ATRNL1: variants seen among roughly 807,000 people sequenced by gnomAD.
The protein encoded by ATRNL1 is attractin like 1, also known as attractin-like protein 1.
In ATRNL1, 95 loss-of-function variants were observed where a neutral mutation model predicts 182.7. That is an observed-to-expected ratio of 0.52 (90% confidence interval 0.44 to 0.62). The LOEUF (loss-of-function observed/expected upper bound fraction) is 0.62. ATRNL1 is among the 20% of genes least tolerant of loss of function. The pLI is 0.00. For missense variants in ATRNL1, 1,471 were observed against 1,679.5 expected (o/e 0.88, Z 2.17); for synonymous variants, 576 against 568.3 (o/e 1.01, Z -0.19).
chr10:115,292,945 G>GC (rs1360756971), intron 15 of ATRNL1, among the ~76,000 whole-genome samples: 2 of 152,124 alleles, frequency 1.3e-5, no homozygotes, highest in African/African-American at 4.8e-5. Context: ...AATGCTGAGA[G>GC]CATGGTGTTG....
intron 27 of ATRNL1, among the ~76,000 whole-genome samples, chr10:115,748,307 T>C (rs1948350677): frequency 6.6e-6 from 1 of 151,640 alleles, no homozygotes; most frequent in Non-Finnish European, 1.5e-5. Context: ...CATGCTTATC[T>C]GATCTATAAT....
intron 17 of ATRNL1, among the ~76,000 whole-genome samples, chr10:115,309,783 A>G (rs879989528): frequency 6.6e-6 from 1 of 152,108 alleles, no homozygotes; most frequent in Non-Finnish European, 1.5e-5. Context: ...GTATACAATC[A>G]TATCATTGGC....
At chr10:115,805,128 C>T (rs1189789146) in intron 27 of ATRNL1, among the ~76,000 whole-genome samples, 1 of 152,138 alleles carries the variant, frequency 6.6e-6, no homozygotes, top group African/African-American at 2.4e-5. Flanking sequence ...ACCTCCTAAT[C>T]GTAGAAGAAG....
intron 19 of ATRNL1, among the ~76,000 whole-genome samples, chr10:115,354,211 G>A (rs1473745580): frequency 6.6e-6 from 1 of 152,186 alleles, no homozygotes; most frequent in Non-Finnish European, 1.5e-5. Flanking sequence ...TTCTTCTAAT[G>A]TTGGACTCTT....
intron 26 of ATRNL1, among the ~76,000 whole-genome samples, chr10:115,576,587 C>T (rs1854723864): frequency 6.6e-6 from 1 of 151,814 alleles, no homozygotes; most frequent in Non-Finnish European, 1.5e-5. Context: ...AGGTTATTTG[C>T]TATTTTACTA....
chr10:115,273,426 ATT>A (rs1233462457), intron 13 of ATRNL1, among the ~76,000 whole-genome samples: 48 of 147,176 alleles, frequency 3.3e-4, no homozygotes, highest in Admixed American at 1.4e-4. Context: ...CTTTTCCACA[ATT>A]TTTTTTTTTG....
chr10:115,236,258 A>AT (rs1850173833), intron 9 of ATRNL1, among the ~76,000 whole-genome samples: 1 of 152,166 alleles, frequency 6.6e-6, no homozygotes, highest in African/African-American at 2.4e-5. Context: ...GCATATATCC[A>AT]TTTATATCCT....
chr10:115,377,855 T>C (rs1264374747), intron 19 of ATRNL1, among the ~76,000 whole-genome samples: 4 of 152,184 alleles, frequency 2.6e-5, no homozygotes, highest in Non-Finnish European at 5.9e-5. Context: ...CTAGCAAGTA[T>C]GAATTCTCTC....
At chr10:115,785,291 T>C (rs1949368079) in intron 27 of ATRNL1, among the ~76,000 whole-genome samples, 1 of 152,202 alleles carries the variant, frequency 6.6e-6, no homozygotes, top group African/African-American at 2.4e-5. Context: ...CAGAGAAAGT[T>C]CCATTAGGTT....
In ATRNL1 at chr10:115,432,541, T is replaced by C. The variant is rs538505355; in HGVS notation, c.3322+6239T>C. ...TTCAAGATTAGATCGAAATTTAAGA[T>C]GCAAGTCCACACTGTAACTTAAAGC... On this transcript the variant is annotated intron_variant, in intron 21 of 28. Coordinates refer to ENST00000355044, the MANE Select transcript of ATRNL1 (RefSeq NM_207303.4). Among the ~76,000 whole-genome samples the C allele has an allele frequency of 1.3e-4, 20 of 152,302 alleles. No individual in the cohort carries two copies. In the East Asian group the frequency reaches 3.7e-3, roughly 28 times the overall value.
chr10:115,690,284 G>A (rs1462230236), intron 26 of ATRNL1, among the ~76,000 whole-genome samples: 5 of 152,042 alleles, frequency 3.3e-5, no homozygotes, highest in African/African-American at 7.2e-5. Context: ...ACAGATGGGG[G>A]TGGGTATTGG....
chr10:115,110,342 G>C (rs1844204960), intron 1 of ATRNL1, among the ~76,000 whole-genome samples: 1 of 152,130 alleles, frequency 6.6e-6, no homozygotes, highest in Admixed American at 6.5e-5. Flanking sequence ...AGCATAAACT[G>C]GATTTGACAT....
intron 25 of ATRNL1, among the ~76,000 whole-genome samples, chr10:115,528,372 A>G (rs1851371965): frequency 6.6e-6 from 1 of 151,736 alleles, no homozygotes; most frequent in South Asian, 2.1e-4. Flanking sequence ...GTTTCTAGGG[A>G]TTTGTCCATT....
intron 8 of ATRNL1, among the ~76,000 whole-genome samples, chr10:115,178,192 G>A (rs76939853): frequency 0.022 from 3,328 of 152,138 alleles, 53 homozygotes; most frequent in Non-Finnish European, 0.033. Flanking sequence ...CTACAGACAT[G>A]AGCCACCGTG....
chr10:115,108,265 A>T (rs1007811590), intron 1 of ATRNL1, among the ~76,000 whole-genome samples: 1 of 152,162 alleles, frequency 6.6e-6, no homozygotes, highest in South Asian at 2.1e-4. Flanking sequence ...CTTCCACCAG[A>T]TATCCTAGTG....
chr10:115,204,950 T>C (rs1413044547), intron 8 of ATRNL1, among the ~76,000 whole-genome samples: 1 of 152,102 alleles, frequency 6.6e-6, no homozygotes, highest in East Asian at 1.9e-4. Context: ...AAAAACTTGA[T>C]TAGTGTTTCA....
At chr10:115,413,014 A>G (rs1158339379) in intron 20 of ATRNL1, among the ~76,000 whole-genome samples, 1 of 152,234 alleles carries the variant, frequency 6.6e-6, no homozygotes, top group Non-Finnish European at 1.5e-5. Context: ...AGGTTACATC[A>G]TAATCCATAA....
At chr10:115,464,744 A>C (rs1159584691) in intron 22 of ATRNL1, among the ~76,000 whole-genome samples, 2 of 151,888 alleles carry the variant, frequency 1.3e-5, no homozygotes, top group African/African-American at 4.8e-5. Flanking sequence ...AGACAATTTC[A>C]AAAGAAAATA....
chr10:115,513,797 A>G (rs1850507008), intron 24 of ATRNL1, among the ~76,000 whole-genome samples: 1 of 151,942 alleles, frequency 6.6e-6, no homozygotes, highest in Non-Finnish European at 1.5e-5. Context: ...GTGGAGGAAC[A>G]TTTTGAAATA....
Sources: allele counts gnomAD v4.1 joint callset (sites outside exome capture counted in the v4.1 genomes callset), GRCh38; gene constraint gnomAD v4.1.1; transcripts MANE v1.5; gene names NCBI Gene and HGNC (gene_info 2026-07-23, HGNC 2026-07-21).